Variants in CNTNAP2 observed in about 807,000 individuals in gnomAD.
The protein encoded by CNTNAP2 is contactin associated protein 2.
A neutral mutation model predicts 155.2 loss-of-function variants in CNTNAP2; 98 were observed. The ratio of observed to expected loss-of-function variants is 0.63; its 90% CI spans 0.54 to 0.75. The LOEUF (loss-of-function observed/expected upper bound fraction) is 0.75, where lower values mean the gene tolerates loss of function less well. Ranked by LOEUF, CNTNAP2 falls within the 30% of genes least tolerant of loss-of-function variation. CNTNAP2 has a pLI of 0.00. For missense variants in CNTNAP2, 1,727 were observed against 1,688.1 expected (o/e 1.02, Z -0.40); for synonymous variants, 651 against 631.2 (o/e 1.03, Z -0.47).
At chr7:146,163,553 A>ATATCTATATC (rs1375201486) in intron 1 of CNTNAP2, among the ~76,000 whole-genome samples, 5 of 140,890 alleles carry the variant, frequency 3.5e-5, no homozygotes, top group African/African-American at 1.4e-4. Context: ...CTATATATCT[A>ATATCTATATC]TATCTATATC....
intron 1 of CNTNAP2, among the ~76,000 whole-genome samples, chr7:146,571,490 A>T (rs183630997): frequency 1.9e-4 from 29 of 152,244 alleles, no homozygotes; most frequent in African/African-American, 6.5e-4. Flanking sequence ...ATTACCTTGC[A>T]TATCATTAAT....
Position 147,349,238 on chromosome 7 carries a change from G to A in CNTNAP2, c.1499-46371G>A, listed in dbSNP as rs554322312. Among the ~76,000 whole-genome samples, 12 of 151,926 alleles carry A rather than the reference G, an allele frequency of 7.9e-5. No homozygotes were observed. In the South Asian group the frequency reaches 2.5e-3, roughly 32 times the overall value. On this transcript the variant is annotated intron_variant, in intron 9 of 23. Transcript: ENST00000361727. ...ATTATATGTATTGAAACATCACTGT[G>A]CATTTCATGAATAGGTACACTTATT... is the stretch of plus-strand genomic sequence containing the variant.
chr7:147,931,206 G>GT lies in CNTNAP2; in HGVS notation c.2255+27486dup, dbSNP rs201201591. 9.7e-3 allele frequency among the ~76,000 whole-genome samples: 1,095 copies of GT among 112,508 alleles called. 12 individuals carry two copies. The highest frequency in any genetic ancestry group is 0.017 in the Admixed American group (211 of 12,216). The allele number at this position is 112,508 out of a possible 152,430, so 73.8% of individuals were successfully genotyped here. The stretch of plus-strand genomic sequence containing the variant: ...GTAGATTAGAGCAGAAATAAACAGA[G>GT]TAAAAAAAAAATAGAAAAACTTGAA... On this transcript the variant is annotated intron_variant, in intron 14 of 23. Transcript: ENST00000361727.
In CNTNAP2 at chr7:148,023,034, C is replaced by T. The variant is rs1218988706; in HGVS notation, c.2383+45045C>T. 2.6e-5 allele frequency among the ~76,000 whole-genome samples: 4 copies of T among 152,248 alleles called. No individual in the cohort carries two copies. The Middle Eastern group carries it at 0.01, about 388-fold the overall frequency. ...TTTGGGTGTCACTCATAGCAATCCC[C>T]ATCCCTGCCATCATCATTATCACAC... On this transcript the variant is annotated intron_variant, in intron 15 of 23. Transcript: ENST00000361727.
intron 13 of CNTNAP2, among the ~76,000 whole-genome samples, chr7:147,853,328 G>A (rs1241679476): frequency 6.6e-6 from 1 of 152,200 alleles, no homozygotes; most frequent in African/African-American, 2.4e-5. Flanking sequence ...GGCTAGAACT[G>A]TTACGAAGGA....
intron 3 of CNTNAP2, among the ~76,000 whole-genome samples, chr7:146,913,688 A>T (rs6978356): frequency 0.97 from 147,931 of 152,094 alleles, 71,970 homozygotes; most frequent in East Asian, 1. Flanking sequence ...CTTCATCTAA[A>T]CCCTATTACC....
At chr7:147,770,053 T>TGA (rs1304368539) in intron 13 of CNTNAP2, among the ~76,000 whole-genome samples, 1 of 152,138 alleles carries the variant, frequency 6.6e-6, no homozygotes, top group South Asian at 2.1e-4. Context: ...TGTGTGTGTG[T>TGA]GAGAGACACG....
intron 10 of CNTNAP2, among the ~76,000 whole-genome samples, chr7:147,473,187 G>A (rs1240308394): frequency 6.6e-6 from 1 of 152,182 alleles, no homozygotes; most frequent in Non-Finnish European, 1.5e-5. Context: ...AGTGTTAAGA[G>A]CTTGCTTCAG....
At chr7:146,730,948 A>G (rs991049918) in intron 1 of CNTNAP2, among the ~76,000 whole-genome samples, 1 of 152,222 alleles carries the variant, frequency 6.6e-6, no homozygotes, top group Non-Finnish European at 1.5e-5. Context: ...TTCTATCCAC[A>G]GAACACAAAC....
intron 1 of CNTNAP2, among the ~76,000 whole-genome samples, chr7:146,637,729 G>T (rs1167615929): frequency 6.6e-6 from 1 of 152,160 alleles, no homozygotes; most frequent in Non-Finnish European, 1.5e-5. Flanking sequence ...TGCAGAGTAG[G>T]AATTGATTCC....
chr7:148,006,103 A>G (rs566831058), intron 15 of CNTNAP2, among the ~76,000 whole-genome samples: 60 of 152,258 alleles, frequency 3.9e-4, no homozygotes, highest in Admixed American at 3.9e-3. Context: ...ATTACTAACA[A>G]ATCTCCATAT....
At chr7:146,134,994 T>C (rs1797775919) in intron 1 of CNTNAP2, among the ~76,000 whole-genome samples, 1 of 152,002 alleles carries the variant, frequency 6.6e-6, no homozygotes, top group East Asian at 1.9e-4. Context: ...TGGTACCAGT[T>C]CCTCCTTGTA....
chr7:147,864,659 G>A (rs1317291312), intron 13 of CNTNAP2, among the ~76,000 whole-genome samples: 1 of 152,056 alleles, frequency 6.6e-6, no homozygotes, highest in Non-Finnish European at 1.5e-5. Flanking sequence ...TTGTAAGTTG[G>A]ATTCCTGGGT....
At chr7:147,110,124 C>T (rs762777529) in intron 5 of CNTNAP2, among the ~76,000 whole-genome samples, 3 of 151,984 alleles carry the variant, frequency 2.0e-5, no homozygotes, top group Admixed American at 6.6e-5. Flanking sequence ...GGGGTTTCAC[C>T]ATGTTGGCCA....
chr7:148,156,890 G>GT (rs1805408796), intron 17 of CNTNAP2, among the ~76,000 whole-genome samples: 1 of 152,012 alleles, frequency 6.6e-6, no homozygotes, highest in Non-Finnish European at 1.5e-5. Context: ...CCAATAGTAA[G>GT]CCCTGTGAGT....
intron 1 of CNTNAP2, among the ~76,000 whole-genome samples, chr7:146,699,444 G>T (rs1372391387): frequency 6.6e-6 from 1 of 152,072 alleles, no homozygotes; most frequent in East Asian, 1.9e-4. Context: ...AGGGAGGATA[G>T]GCATTCTACA....
intron 13 of CNTNAP2, among the ~76,000 whole-genome samples, chr7:147,828,538 C>A (rs1394190665): frequency 1.3e-5 from 2 of 152,132 alleles, no homozygotes; most frequent in Admixed American, 6.5e-5. Context: ...ACAATAAATT[C>A]TATCTTAATT....
At chr7:148,212,659 T>C (rs1166841612) in intron 18 of CNTNAP2, among the ~76,000 whole-genome samples, 1 of 152,218 alleles carries the variant, frequency 6.6e-6, no homozygotes, top group Non-Finnish European at 1.5e-5. Flanking sequence ...TTTGGGCTTG[T>C]TAATTTAGAG....
At chr7:147,816,888 T>C (rs1201451394) in intron 13 of CNTNAP2, among the ~76,000 whole-genome samples, 2 of 152,134 alleles carry the variant, frequency 1.3e-5, no homozygotes, top group African/African-American at 4.8e-5. Context: ...AGGGACTAGG[T>C]TTTCATTATA....
Sources: allele counts gnomAD v4.1 joint callset (sites outside exome capture counted in the v4.1 genomes callset), GRCh38; gene constraint gnomAD v4.1.1; transcripts MANE v1.5; gene names NCBI Gene and HGNC (gene_info 2026-07-23, HGNC 2026-07-21).